SH3GLB1: variants seen among roughly 807,000 people sequenced by gnomAD.
SH3GLB1 encodes the protein endophilin-B1.
A neutral mutation model predicts 42.0 loss-of-function variants in SH3GLB1; 17 were observed. That is an observed-to-expected ratio of 0.40 (90% CI 0.28 to 0.61). SH3GLB1 has a LOEUF of 0.61. Ranked by LOEUF, SH3GLB1 falls within the 20% of genes least tolerant of loss-of-function variation. SH3GLB1 has a pLI of 0.36. For synonymous variants in SH3GLB1, 132 were observed against 146.6 expected, an observed-to-expected ratio of 0.90 and a Z score of 0.72; for missense variants, 355 against 426.3, an observed-to-expected ratio of 0.83 and a Z score of 1.47.
rs1293067265 is a variant in SH3GLB1, at chr1:86,745,716, G to A, written c.*2481G>A. The A allele has an allele frequency of 6.6e-6, 1 of 152,084 alleles. No individual in the cohort carries two copies. Among genetic ancestry groups the A allele is most frequent in the Non-Finnish European group, 1.5e-5 (1 of 68,024 alleles). 9.4% of individuals were successfully genotyped at this position (152,084 alleles called of 1,614,324 possible). A position where few individuals can be genotyped will look rare whatever the true frequency, so the allele number is the denominator to read the frequency against. ...ATTTTAATGGGGTTTGGTTGTTTGG[G>A]TTTTATTTTGGTTTTGGCTTATTTT... is the stretch of plus-strand genomic sequence containing the variant. On this transcript the variant is annotated 3_prime_UTR_variant, in exon 9 of 9. Coordinates refer to ENST00000370558, the MANE Select transcript of SH3GLB1 (RefSeq NM_016009.5).
At chr1:86,722,459 C>T in intron 3 of SH3GLB1, 81 bp from the exon 4 acceptor site, 7 of 1,339,422 alleles carry the variant, frequency 5.2e-6, no homozygotes, top group South Asian at 1.6e-5. Context: ...TTAAACAGAC[C>T]AAATTGCTGA....
At chr1:86,724,884 A>ATAT (rs1436043734) in intron 5 of SH3GLB1, among the ~76,000 whole-genome samples, 43 of 104,302 alleles carry the variant, frequency 4.1e-4, no homozygotes, top group African/African-American at 2.1e-3. Flanking sequence ...TAAAAAAAAA[A>ATAT]AAAAAAAAAT....
At chr1:86,715,969 T>C (rs999535973) in intron 2 of SH3GLB1, 104 bp downstream of exon 2, 16 of 1,255,754 alleles carry the variant, frequency 1.3e-5, no homozygotes, top group Non-Finnish European at 1.6e-5. Flanking sequence ...ATTTTTTTAT[T>C]GTAGCTTCAA....
At chr1:86,737,868 G>T (rs971597773) in intron 7 of SH3GLB1, among the ~76,000 whole-genome samples, 1 of 152,192 alleles carries the variant, frequency 6.6e-6, no homozygotes, top group Admixed American at 6.5e-5. Flanking sequence ...CAGGTAGAGG[G>T]TGCAGCAAGT....
At chr1:86,708,467 A>G (rs1229767083) in intron 1 of SH3GLB1, among the ~76,000 whole-genome samples, 1 of 152,376 alleles carries the variant, frequency 6.6e-6, no homozygotes, top group Non-Finnish European at 1.5e-5. Flanking sequence ...TAAGTTAAAA[A>G]TTAAACATGT....
chr1:86,742,282 T>C lies in SH3GLB1; in HGVS notation c.836T>C (p.Ile279Thr). 6.2e-7 allele frequency: 1 copy of C among 1,614,176 alleles called. No homozygotes were observed. The highest frequency in any genetic ancestry group is 8.5e-7 in the Non-Finnish European group (1 of 1,180,032). Reference protein sequence around the residue: ...TPVPSVLPNAIGSSAMASTSG... With the variant: ...TPVPSVLPNATGSSAMASTSG... ...GTACCATCAGTTTTACCAAATGCGATTGGTTCTTCTGCCATGGCTTCAACA... is the reference window on the plus strand; with the variant it reads ...GTACCATCAGTTTTACCAAATGCGACTGGTTCTTCTGCCATGGCTTCAACA... Residue 279 changes from isoleucine to threonine, a missense_variant, in exon 8 of 9, where the codon ATT (isoleucine) becomes ACT (threonine). Transcript: ENST00000370558.
Position 86,724,366 on chromosome 1 carries a change from G to A in SH3GLB1, c.531G>A (p.Thr177=), listed in dbSNP as rs552078382. Residue 177 remains threonine (T), a synonymous_variant, in exon 5 of 9, where the codon ACG becomes ACA. Coordinates refer to ENST00000370558, the MANE Select transcript of SH3GLB1 (RefSeq NM_016009.5). ...GACTGGATTTGGATGCTGCAAAAAC[G>A]AGACTAAAAAAGGCAAAAGCTGCAG... is the stretch of plus-strand genomic sequence containing the variant. ...NKRLDLDAAK[T]RLKKAKAAET... is the part of the protein sequence containing the mutation. 35 of 1,604,032 alleles carry A rather than the reference G, an allele frequency of 2.2e-5. No individual in the cohort carries two copies. In the East Asian group the frequency reaches 6.0e-4, roughly 28 times the overall value.
intron 2 of SH3GLB1, among the ~76,000 whole-genome samples, chr1:86,717,882 A>G (rs1372507206): frequency 1.3e-5 from 2 of 152,216 alleles, no homozygotes; most frequent in Non-Finnish European, 2.9e-5. Flanking sequence ...AGTTGCCTGC[A>G]TATTTAAGAT....
intron 7 of SH3GLB1, among the ~76,000 whole-genome samples, chr1:86,738,220 G>A (rs1477450997): frequency 6.6e-6 from 1 of 150,822 alleles, no homozygotes; most frequent in African/African-American, 2.5e-5. Flanking sequence ...GTCAGGTCCT[G>A]TGGGCCTGTG....
intron 5 of SH3GLB1, among the ~76,000 whole-genome samples, chr1:86,726,682 C>T (rs766003683): frequency 6.6e-6 from 1 of 151,790 alleles, no homozygotes; most frequent in Non-Finnish European, 1.5e-5. Flanking sequence ...GTATTTTTCC[C>T]CTAGATAACC....
chr1:86,719,590 T>C lies in SH3GLB1; in HGVS notation c.298T>C (p.Tyr100His), dbSNP rs774149973. 1.9e-6 allele frequency: 3 copies of C among 1,611,368 alleles called. No homozygotes were observed. The highest frequency in any genetic ancestry group is 2.2e-5 in the South Asian group (2 of 90,798). The change falls in exon 3 of 9, where the codon TAT becomes CAT. Residue 100 changes from tyrosine to histidine, a missense_variant. Coordinates refer to ENST00000370558, the MANE Select transcript of SH3GLB1 (RefSeq NM_016009.5). ...RINNPELLGQ[Y>H]MIDAGTEFGP... ...AAACAACCCAGAACTTTTGGGACAA[T>C]ATATGATTGATGCAGGGACTGAGTT...
At chr1:86,719,665 G>T in intron 3 of SH3GLB1, 30 bp downstream of exon 3, 3 of 1,596,080 alleles carry the variant, frequency 1.9e-6, no homozygotes, top group Non-Finnish European at 2.6e-6. Flanking sequence ...TTCTAATAAG[G>T]GATATCTTTA....
chr1:86,743,255 G>A lies in SH3GLB1; in HGVS notation c.*20G>A. 1 of 1,547,134 alleles carries A rather than the reference G, an allele frequency of 6.5e-7. No homozygotes were observed. The highest frequency in any genetic ancestry group is 8.8e-7 in the Non-Finnish European group (1 of 1,140,424). ...AATTAAGTAGGTGGACTATGGAAAG[G>A]TTGCCCATCATGACTTTGTATTTAT... On this transcript the variant is annotated 3_prime_UTR_variant, in exon 9 of 9. Transcript: ENST00000370558.
rs1019252004 is a variant in SH3GLB1 at position 86,710,474 on chromosome 1, A to G, written c.73-5250A>G. Among the ~76,000 whole-genome samples, 16 of 152,140 alleles carry G rather than the reference A, an allele frequency of 1.1e-4. 1 individual carries two copies. Among genetic ancestry groups the G allele is most frequent in the African/African-American group, 3.9e-4 (16 of 41,428 alleles). On this transcript the variant is annotated intron_variant, in intron 1 of 8. Transcript: ENST00000370558. ...GAGACGGGGTTTCACCATGTTGGCC[A>G]GGCTAGTCTCGAACTCCTGATCTCA...
At position 86,736,986 on chromosome 1, in the gene SH3GLB1, C is replaced by T. The variant is rs1655811208; in HGVS notation, c.761+1807C>T. ...TTAATAGTTGCAATAACAGTACCAACAGGTAGTAGAAGTAACTGAATAACA... is the reference window on the plus strand; with the variant it reads ...TTAATAGTTGCAATAACAGTACCAATAGGTAGTAGAAGTAACTGAATAACA... On this transcript the variant is annotated intron_variant, in intron 7 of 8. Transcript: ENST00000370558. Among the ~76,000 whole-genome samples, 5 of 152,226 alleles carry T rather than the reference C, an allele frequency of 3.3e-5. No individual in the cohort carries two copies. In the South Asian group the frequency reaches 1.0e-3, roughly 32 times the overall value.
intron 1 of SH3GLB1, among the ~76,000 whole-genome samples, chr1:86,710,175 C>T (rs1343510935): frequency 6.6e-6 from 1 of 152,128 alleles, no homozygotes; most frequent in Non-Finnish European, 1.5e-5. Flanking sequence ...GTTTGTTAAC[C>T]TGATGTTAAA....
intron 5 of SH3GLB1, among the ~76,000 whole-genome samples, chr1:86,733,267 C>T (rs1237406558): frequency 6.6e-6 from 1 of 152,168 alleles, no homozygotes; most frequent in African/African-American, 2.4e-5. Flanking sequence ...AATTATTAGT[C>T]CCCTCTGCTA....
chr1:86,742,830 G>T (rs1656121935), intron 8 of SH3GLB1, among the ~76,000 whole-genome samples: 1 of 151,990 alleles, frequency 6.6e-6, no homozygotes, highest in African/African-American at 2.4e-5. Flanking sequence ...GCATGGTGGT[G>T]TGCGCCTGTA....
intron 1 of SH3GLB1, among the ~76,000 whole-genome samples, chr1:86,711,400 A>G (rs1383176832): frequency 1.3e-5 from 2 of 152,154 alleles, no homozygotes; most frequent in Non-Finnish European, 2.9e-5. Flanking sequence ...ATAAAAGGGG[A>G]TTAAACTTTT....
Sources: allele counts gnomAD v4.1 joint callset (sites outside exome capture counted in the v4.1 genomes callset), GRCh38; gene constraint gnomAD v4.1.1; transcripts MANE v1.5; gene names NCBI Gene and HGNC (gene_info 2026-07-23, HGNC 2026-07-21).